The following GRID2 variants were observed in gnomAD, a reference collection of about 807,000 sequenced individuals.
GRID2 encodes glutamate ionotropic receptor delta type subunit 2.
A neutral mutation model predicts 114.8 loss-of-function variants in GRID2; 33 were observed. That is an observed-to-expected ratio of 0.29 (90% CI 0.22 to 0.38). The LOEUF (loss-of-function observed/expected upper bound fraction) is 0.38, where lower values mean the gene tolerates loss of function less well. GRID2 is among the 10% of genes least tolerant of loss of function. GRID2 has a pLI of 1.00. For synonymous variants in GRID2, 505 were observed against 449.9 expected (o/e 1.12, Z -1.55); for missense variants, 1,184 against 1,257.7 (o/e 0.94, Z 0.89).
intron 4 of GRID2, among the ~76,000 whole-genome samples, chr4:93,121,590 C>T (rs772804490): frequency 1.5e-4 from 23 of 152,190 alleles, no homozygotes; most frequent in Non-Finnish European, 2.8e-4. Context: ...TTGCTCATTA[C>T]AGATAGGGGT....
At chr4:92,357,857 A>G (rs1728409142) in intron 1 of GRID2, among the ~76,000 whole-genome samples, 2 of 151,898 alleles carry the variant, frequency 1.3e-5, no homozygotes, top group Non-Finnish European at 1.5e-5. Context: ...CTCCTTCTGG[A>G]CCTCTATTAA....
intron 2 of GRID2, among the ~76,000 whole-genome samples, chr4:93,002,333 G>A (rs1236590874): frequency 1.3e-5 from 2 of 151,508 alleles, no homozygotes; most frequent in East Asian, 1.9e-4. Context: ...TAACCATGAT[G>A]TTCTACTGTA....
Position 92,990,256 on chromosome 4 carries a change from T to A in GRID2, c.245-94739T>A, listed in dbSNP as rs1175984725. On this transcript the variant is annotated intron_variant, in intron 2 of 15. Transcript: ENST00000282020. ...TGTGTGTGTGTGTGTGTGTGATATA[T>A]GTATATATATATGTACGTAGATATG... is the stretch of plus-strand genomic sequence containing the variant. 2.7e-5 allele frequency among the ~76,000 whole-genome samples: 4 copies of A among 147,052 alleles called. No homozygotes were observed. In the Admixed American group the frequency reaches 2.7e-4, roughly 10 times the overall value.
chr4:92,955,219 T>G (rs1273035438), intron 2 of GRID2, among the ~76,000 whole-genome samples: 2,400 of 139,912 alleles, frequency 0.017, 20 homozygotes, highest in East Asian at 0.052. Context: ...TGAACTAGTT[T>G]ACAGTCCCAC....
intron 1 of GRID2, among the ~76,000 whole-genome samples, chr4:92,576,259 C>T (rs1727887869): frequency 6.6e-6 from 1 of 152,208 alleles, no homozygotes; most frequent in Non-Finnish European, 1.5e-5. Flanking sequence ...AGCAGCTGTG[C>T]TGCACTGTTG....
At chr4:93,219,423 C>T (rs1474090659) in intron 6 of GRID2, among the ~76,000 whole-genome samples, 1 of 152,094 alleles carries the variant, frequency 6.6e-6, no homozygotes, top group Non-Finnish European at 1.5e-5. Context: ...CACCAACTTC[C>T]TCCTGACTCA....
chr4:92,437,241 GA>G (rs962945978), intron 1 of GRID2, among the ~76,000 whole-genome samples: 1 of 151,778 alleles, frequency 6.6e-6, no homozygotes, highest in Admixed American at 6.6e-5. Flanking sequence ...CGAATGATTG[GA>G]AAAAAAATGA....
At chr4:92,696,519 A>C (rs994998250) in intron 2 of GRID2, among the ~76,000 whole-genome samples, 1 of 152,152 alleles carries the variant, frequency 6.6e-6, no homozygotes, top group African/African-American at 2.4e-5. Context: ...TTGACTTAGT[A>C]AATATATAGT....
intron 1 of GRID2, among the ~76,000 whole-genome samples, chr4:93,803,658 G>A (rs1734978063): frequency 6.6e-6 from 1 of 152,006 alleles, no homozygotes; most frequent in Admixed American, 6.6e-5. Context: ...GGAGATGGAG[G>A]CTGCAGCAAG....
intron 13 of GRID2, among the ~76,000 whole-genome samples, chr4:93,585,416 T>C (rs1298902974): frequency 6.6e-6 from 1 of 152,158 alleles, no homozygotes; most frequent in Non-Finnish European, 1.5e-5. Context: ...TGGTGTTGAC[T>C]GTTGTTTCAC....
At chr4:93,592,613 G>T (rs564217292) in intron 13 of GRID2, among the ~76,000 whole-genome samples, 1 of 152,104 alleles carries the variant, frequency 6.6e-6, no homozygotes, top group Non-Finnish European at 1.5e-5. Context: ...CGGTATCCTT[G>T]TTGACTTTCT....
intron 8 of GRID2, among the ~76,000 whole-genome samples, chr4:93,310,286 G>C (rs2149185807): frequency 6.6e-6 from 1 of 152,198 alleles, no homozygotes; most frequent in South Asian, 2.1e-4. Flanking sequence ...TTGGGAGGTG[G>C]AGGCAGGCAG....
In GRID2 at chr4:93,270,341, G is replaced by A. The variant is rs73837745; in HGVS notation, c.1245+31851G>A. On this transcript the variant is annotated intron_variant, in intron 8 of 15. Coordinates refer to ENST00000282020, the MANE Select transcript of GRID2 (RefSeq NM_001510.4). ...AGTTGTAGCAATAAGATGCAATGCC[G>A]ATTACACTCTAAAATAGATAAAATT... is the stretch of plus-strand genomic sequence containing the variant. Among the ~76,000 whole-genome samples the A allele has an allele frequency of 6.4e-3, 973 of 151,874 alleles. 9 individuals carry two copies. Among genetic ancestry groups the A allele is most frequent in the African/African-American group, 0.022 (929 of 41,438 alleles).
chr4:92,950,759 A>G (rs1751975148), intron 2 of GRID2, among the ~76,000 whole-genome samples: 1 of 152,192 alleles, frequency 6.6e-6, no homozygotes, highest in Non-Finnish European at 1.5e-5. Flanking sequence ...TACTTGTTTT[A>G]TAAGCTTGAT....
intron 1 of GRID2, among the ~76,000 whole-genome samples, chr4:92,583,129 G>A (rs1322402569): frequency 6.6e-6 from 1 of 152,038 alleles, no homozygotes; most frequent in Non-Finnish European, 1.5e-5. Context: ...GGATTCTGCA[G>A]CAATTATTAC....
intron 14 of GRID2, among the ~76,000 whole-genome samples, chr4:93,758,369 G>A (rs935393038): frequency 1.3e-5 from 2 of 152,074 alleles, no homozygotes; most frequent in African/African-American, 4.8e-5. Flanking sequence ...ATACAAATAT[G>A]CTCTGAGTTT....
chr4:92,819,643 A>G (rs545960776), intron 2 of GRID2, among the ~76,000 whole-genome samples: 183 of 152,284 alleles, frequency 1.2e-3, no homozygotes, highest in African/African-American at 4.2e-3. Context: ...ATAAATTTGA[A>G]AAATGATAAT....
intron 2 of GRID2, among the ~76,000 whole-genome samples, chr4:92,609,513 C>T (rs1031757253): frequency 6.6e-6 from 1 of 151,220 alleles, no homozygotes; most frequent in Non-Finnish European, 1.5e-5. Flanking sequence ...TCAGGAAAAT[C>T]GCTTTTTGAG....
chr4:93,694,015 A>G (rs1726796767), intron 14 of GRID2, among the ~76,000 whole-genome samples: 2 of 152,202 alleles, frequency 1.3e-5, no homozygotes, highest in South Asian at 4.1e-4. Flanking sequence ...AGAGAGACAC[A>G]TGAAGCACTG....
Sources: allele counts gnomAD v4.1 joint callset (sites outside exome capture counted in the v4.1 genomes callset), GRCh38; gene constraint gnomAD v4.1.1; transcripts MANE v1.5; gene names NCBI Gene and HGNC (gene_info 2026-07-23, HGNC 2026-07-21).